CELF2: variants seen among roughly 807,000 people sequenced by gnomAD.
CELF2 encodes CUG triplet repeat RNA-binding protein 2.
CELF2 carries 8 observed loss-of-function variants against 62.6 expected under a neutral mutation model. That is an observed-to-expected ratio of 0.13 (90% CI 0.07 to 0.23). CELF2 has a LOEUF of 0.23. CELF2 is among the 10% of genes least tolerant of loss of function. CELF2 has a pLI of 1.00. For synonymous variants in CELF2, 258 were observed against 250.0 expected (o/e 1.03, Z -0.30); for missense variants, 333 against 671.0 (o/e 0.50, Z 5.56).
chr10:11,031,152 G>T (rs532139285), intron 1 of CELF2, among the ~76,000 whole-genome samples: 1 of 152,254 alleles, frequency 6.6e-6, no homozygotes, highest in South Asian at 2.1e-4. Flanking sequence ...TTAGAAAATG[G>T]TTCTCAGGTG....
intron 1 of CELF2, among the ~76,000 whole-genome samples, chr10:11,040,470 C>G (rs137988089): frequency 3.5e-3 from 538 of 152,018 alleles, no homozygotes; most frequent in African/African-American, 0.013. Context: ...AATTATGGAG[C>G]CTAGAACTCT....
chr10:10,888,853 T>C (rs1175819785), intron 1 of CELF2, among the ~76,000 whole-genome samples: 1 of 152,202 alleles, frequency 6.6e-6, no homozygotes, highest in Non-Finnish European at 1.5e-5. Context: ...TCATAACTGA[T>C]TCGTTATTTA....
At chr10:10,920,715 G>C (rs2134686252) in intron 2 of CELF2, among the ~76,000 whole-genome samples, 1 of 149,388 alleles carries the variant, frequency 6.7e-6, no homozygotes, top group Middle Eastern at 3.4e-3. Flanking sequence ...AGGAAGGAAG[G>C]AGGAAGGGAG....
At chr10:10,743,248 T>C in the CELF2 span, among the ~76,000 whole-genome samples, 9 of 152,246 alleles carry the variant, frequency 5.9e-5, no homozygotes, top group African/African-American at 2.2e-4. Context: ...ATGTGAAATA[T>C]AGCCAGTGGT....
At chr10:11,045,484 C>T (rs958465131) in intron 1 of CELF2, among the ~76,000 whole-genome samples, 2 of 152,172 alleles carry the variant, frequency 1.3e-5, no homozygotes, top group African/African-American at 2.4e-5. Context: ...GGGTGAATAA[C>T]TGTAGCTACC....
intron 2 of CELF2, among the ~76,000 whole-genome samples, chr10:10,945,852 G>A (rs781286231): frequency 6.6e-6 from 1 of 152,178 alleles, no homozygotes; most frequent in South Asian, 2.1e-4. Flanking sequence ...TTTCTGGCTG[G>A]GTTATTATGG....
At chr10:10,579,620 C>A in the CELF2 span, among the ~76,000 whole-genome samples, 1 of 152,078 alleles carries the variant, frequency 6.6e-6, no homozygotes, top group Non-Finnish European at 1.5e-5. Context: ...GAAAATACAG[C>A]AAGAGGATAA....
the CELF2 span, among the ~76,000 whole-genome samples, chr10:10,789,819 G>C: frequency 6.6e-6 from 1 of 151,866 alleles, no homozygotes; most frequent in Non-Finnish European, 1.5e-5. Context: ...ACAGGGTTTT[G>C]CTCTTTAATA....
At chr10:10,771,492 G>A in the CELF2 span, among the ~76,000 whole-genome samples, 20,755 of 152,148 alleles carry the variant, frequency 0.14, 1,787 homozygotes, top group East Asian at 0.31. Context: ...CGGTTTGGCT[G>A]TGTCCCCACC....
chr10:10,463,897 T>C, the CELF2 span, among the ~76,000 whole-genome samples: 9 of 151,494 alleles, frequency 5.9e-5, no homozygotes, highest in African/African-American at 2.2e-4. Flanking sequence ...TAACTAGAAA[T>C]GTAATGGGGA....
At chr10:11,135,596 C>T (rs747829611) in intron 1 of CELF2, among the ~76,000 whole-genome samples, 7 of 152,194 alleles carry the variant, frequency 4.6e-5, no homozygotes, top group Non-Finnish European at 7.3e-5. Flanking sequence ...AAATAGCCAC[C>T]GTCATTTGTG....
At position 11,025,237 on chromosome 10, in the gene CELF2, G is replaced by A. The variant is rs368574220; in HGVS notation, c.74+7074G>A. Reference sequence around the variant, plus strand: ...TGTGTGTGTGTGTGTGTGTGTGTGTGTGTATATGTATGTGACTGTATATCT... The same window carrying A: ...TGTGTGTGTGTGTGTGTGTGTGTGTATGTATATGTATGTGACTGTATATCT... On this transcript the variant is annotated intron_variant, in intron 1 of 12. Transcript: ENST00000633077. 0.013 allele frequency among the ~76,000 whole-genome samples: 643 copies of A among 49,786 alleles called. 6 individuals are homozygous for A. In the East Asian group the frequency reaches 0.14, roughly 11 times the overall value. The allele number at this position is 49,786 out of a possible 152,430, so 32.7% of individuals were successfully genotyped here.
At chr10:10,578,290 A>G in the CELF2 span, among the ~76,000 whole-genome samples, 1 of 151,892 alleles carries the variant, frequency 6.6e-6, no homozygotes, top group African/African-American at 2.4e-5. Context: ...GGTTGCAAAA[A>G]TTTTCTCCCA....
intron 1 of CELF2, among the ~76,000 whole-genome samples, chr10:10,913,431 C>A (rs2063994993): frequency 1.2e-5 from 1 of 80,054 alleles, no homozygotes; most frequent in Admixed American, 2.1e-4. Context: ...ACTATTTTTG[C>A]CCAGGCTGGA....
In CELF2 at chr10:11,157,148, G is replaced by A. The variant is rs2064637308; in HGVS notation, c.75-8338G>A. 1.3e-5 allele frequency among the ~76,000 whole-genome samples: 2 copies of A among 152,216 alleles called. No homozygotes were observed. The highest frequency in any genetic ancestry group is 3.9e-4 in the East Asian group (2 of 5,182). On this transcript the variant is annotated intron_variant, in intron 1 of 12. Transcript: ENST00000633077. This position sits in a 1 kb window ranked among gnomAD's most constrained non-coding sequence, Gnocchi z 4.9. ...GTTGGGGGATGAGGCTGTGTCCCCTGTGCAAAGTCACCCATGCACATGACT... is the reference window on the plus strand; with the variant it reads ...GTTGGGGGATGAGGCTGTGTCCCCTATGCAAAGTCACCCATGCACATGACT...
chr10:10,954,602 C>A (rs2135820111), intron 2 of CELF2, among the ~76,000 whole-genome samples: 1 of 152,174 alleles, frequency 6.6e-6, no homozygotes, highest in East Asian at 1.9e-4. Flanking sequence ...CCAGCAATTC[C>A]ACTTCTAGGA....
intron 1 of CELF2, among the ~76,000 whole-genome samples, chr10:10,861,935 G>A (rs901865920): frequency 1.3e-5 from 2 of 152,100 alleles, no homozygotes; most frequent in African/African-American, 2.4e-5. Flanking sequence ...CATTGGCAGA[G>A]TCAACCTATT....
chr10:10,850,016 C>T (rs957447040), intron 1 of CELF2, among the ~76,000 whole-genome samples: 2 of 151,802 alleles, frequency 1.3e-5, no homozygotes, highest in South Asian at 2.1e-4. Context: ...AGCATGGTGG[C>T]GGGTGCCTGT....
chr10:10,828,825 G>T (rs1458375689), intron 1 of CELF2, among the ~76,000 whole-genome samples: 1 of 151,416 alleles, frequency 6.6e-6, no homozygotes, highest in Non-Finnish European at 1.5e-5. Flanking sequence ...TGGAAGGACA[G>T]GAATGAATTG....
Sources: allele counts gnomAD v4.1 joint callset (sites outside exome capture counted in the v4.1 genomes callset), GRCh38; gene constraint gnomAD v4.1.1; non-coding constraint Gnocchi (gnomAD v3.1); transcripts MANE v1.5; gene names NCBI Gene and HGNC (gene_info 2026-07-23, HGNC 2026-07-21).